The following PCDHGA3 variants were observed in gnomAD, a reference collection of about 807,000 sequenced individuals.
PCDHGA3 encodes protocadherin gamma-A3.
A neutral mutation model predicts 58.5 loss-of-function variants in PCDHGA3; 40 were observed. The observed-to-expected ratio is 0.68, with a 90% CI of 0.53 to 0.89. PCDHGA3 has a LOEUF of 0.89. Ranked by LOEUF, PCDHGA3 falls within the 40% of genes least tolerant of loss-of-function variation. PCDHGA3 has a pLI of 0.00. For missense variants in PCDHGA3, 1,223 were observed against 1,195.9 expected (o/e 1.02, Z -0.33); for synonymous variants, 530 against 525.7 (o/e 1.01, Z -0.11).
rs149806642 is a variant in PCDHGA3 at position 141,502,449 on chromosome 5, A to T, written c.2484-2944A>T. 7.7e-3 allele frequency among the ~76,000 whole-genome samples: 1,166 copies of T among 151,886 alleles called. 15 individuals carry two copies. The highest frequency in any genetic ancestry group is 0.027 in the African/African-American group (1,103 of 41,308). On this transcript the variant is annotated intron_variant, in intron 2 of 3. Coordinates refer to ENST00000253812, the MANE Select transcript of PCDHGA3 (RefSeq NM_018916.4). The stretch of plus-strand genomic sequence containing the variant: ...TCTGATGGTTAGATTCAGATTACAC[A>T]CCTTGGTAGGAATACTTCCCGCAGC...
Position 141,487,649 on chromosome 5 carries a change from G to T in PCDHGA3, c.2425-7158G>T. The T allele has an allele frequency of 1.2e-6, 2 of 1,614,020 alleles. No individual in the cohort carries two copies. The highest frequency in any genetic ancestry group is 1.7e-6 in the Non-Finnish European group (2 of 1,179,968). The stretch of plus-strand genomic sequence containing the variant: ...TTTGCAGGCTCAACAAATGCTTGAG[G>T]GTTATTCTGATCCAGGCATATGGCT... On this transcript the variant is annotated intron_variant, in intron 1 of 3. Coordinates refer to ENST00000253812, the MANE Select transcript of PCDHGA3 (RefSeq NM_018916.4). This position sits in a 1 kb window ranked among gnomAD's most constrained non-coding sequence, Gnocchi z 5.0.
chr5:141,417,947 T>A (rs958624664), intron 1 of PCDHGA3: 53 of 1,613,420 alleles, frequency 3.3e-5, no homozygotes, highest in Middle Eastern at 1.7e-4. Context: ...CCCCACGCTG[T>A]GTGAGCCGAT....
At chr5:141,396,546 G>A (rs2093396215) in intron 1 of PCDHGA3, 1 of 152,118 alleles carries the variant, frequency 6.6e-6, no homozygotes, top group Non-Finnish European at 1.5e-5. Context: ...CTTGAACCCG[G>A]GAGGTGGAGG....
At chr5:141,398,486 A>G (rs892086829) in intron 1 of PCDHGA3, 17 of 1,608,942 alleles carry the variant, frequency 1.1e-5, no homozygotes, top group Non-Finnish European at 1.4e-5. Flanking sequence ...TATCACGTGA[A>G]TGTGGAGATC....
chr5:141,371,086 T>C (rs1767472872), intron 1 of PCDHGA3: 2 of 1,613,836 alleles, frequency 1.2e-6, no homozygotes, highest in Admixed American at 3.3e-5. Context: ...ATCAGGGTAA[T>C]TGTCGCAGAT....
rs368155258 is a variant in PCDHGA3 at position 141,394,236 on chromosome 5, A to T, written c.2424+47779A>T. 3.1e-5 allele frequency: 50 copies of T among 1,613,818 alleles called. No individual in the cohort carries two copies. The highest frequency in any genetic ancestry group is 3.9e-5 in the Non-Finnish European group (46 of 1,179,848). On this transcript the variant is annotated intron_variant, in intron 1 of 3. Transcript: ENST00000253812. ...GAGAGGAGCCTCCATCTTTTCCTTG[A>T]CTGCACACGACCCCGACAGCCAGGA...
At chr5:141,379,868 T>C (rs1775901267) in intron 1 of PCDHGA3, among the ~76,000 whole-genome samples, 1 of 149,208 alleles carries the variant, frequency 6.7e-6, no homozygotes, top group African/African-American at 2.5e-5. Flanking sequence ...CTTATTCTTA[T>C]TTTATGGTCT....
chr5:141,361,600 T>C, intron 1 of PCDHGA3: 1 of 1,614,024 alleles, frequency 6.2e-7, no homozygotes, highest in Non-Finnish European at 8.5e-7. Context: ...CCAAGTTTCC[T>C]ACTCCATCGT....
At chr5:141,496,402 G>T (rs551923899) in intron 2 of PCDHGA3, among the ~76,000 whole-genome samples, 183 of 152,248 alleles carry the variant, frequency 1.2e-3, no homozygotes, top group African/African-American at 4.0e-3. Flanking sequence ...CCTCCTCAAT[G>T]GTTGAGTACT....
rs1032345173 is a variant in PCDHGA3 at position 141,468,852 on chromosome 5, C to T, written c.2425-25955C>T. Among the ~76,000 whole-genome samples the T allele has an allele frequency of 7.2e-5, 11 of 151,868 alleles. No individual in the cohort carries two copies. In the East Asian group the frequency reaches 9.7e-4, roughly 13 times the overall value. On this transcript the variant is annotated intron_variant, in intron 1 of 3. Transcript: ENST00000253812. ...CTGCACTCCAGCCTGGGCAACAGAG[C>T]GAGACTCCATCTCAAAAATAATAAT... is the stretch of plus-strand genomic sequence containing the variant.
At chr5:141,463,103 A>G (rs1235750988) in intron 1 of PCDHGA3, among the ~76,000 whole-genome samples, 1 of 152,206 alleles carries the variant, frequency 6.6e-6, no homozygotes, top group African/African-American at 2.4e-5. Context: ...GTGACCATCA[A>G]GAATTCAGCT....
Position 141,423,257 on chromosome 5 carries a change from G to T in PCDHGA3, c.2425-71550G>T, listed in dbSNP as rs1412429501. ...ATCCCCGAAGTCCTGGCGGACCTCG[G>T]CAGCCTCGAGTCTCTGGCTAACTCT... On this transcript the variant is annotated intron_variant, in intron 1 of 3. Transcript: ENST00000253812. The T allele has an allele frequency of 8.7e-6, 14 of 1,613,946 alleles. No individual in the cohort carries two copies. The highest frequency in any genetic ancestry group is 1.3e-5 in the African/African-American group (1 of 75,060).
At chr5:141,390,382 T>C in intron 1 of PCDHGA3, 2 of 1,443,060 alleles carry the variant, frequency 1.4e-6, no homozygotes, top group South Asian at 1.3e-5. Context: ...AATTTTTAGA[T>C]GTCATGGATC....
At chr5:141,433,308 C>A in intron 1 of PCDHGA3, 2 of 915,352 alleles carry the variant, frequency 2.2e-6, no homozygotes, top group Non-Finnish European at 1.6e-6. Context: ...ATTATCCCAC[C>A]TTTGCCTCCG....
chr5:141,477,901 C>T lies in PCDHGA3; in HGVS notation c.2425-16906C>T, dbSNP rs2099423750. ...GCCACCTAGTGTCACGGGTGGTAGG[C>T]TGGGACGCGGATGCAGGGCACAATG... On this transcript the variant is annotated intron_variant, in intron 1 of 3. Transcript: ENST00000253812. The surrounding 1 kb of genome is among the most constrained non-coding windows in gnomAD (Gnocchi z 4.9). The T allele has an allele frequency of 1.9e-6, 3 of 1,614,188 alleles. No homozygotes were observed. The highest frequency in any genetic ancestry group is 2.5e-6 in the Non-Finnish European group (3 of 1,180,042).
chr5:141,471,042 C>G (rs2099247416), intron 1 of PCDHGA3, among the ~76,000 whole-genome samples: 1 of 139,088 alleles, frequency 7.2e-6, no homozygotes, highest in South Asian at 2.3e-4. Flanking sequence ...CAAGCCCAAG[C>G]CCTCTTTTTT....
intron 1 of PCDHGA3, among the ~76,000 whole-genome samples, chr5:141,406,273 G>C (rs1366399912): frequency 6.6e-6 from 1 of 151,898 alleles, no homozygotes; most frequent in Non-Finnish European, 1.5e-5. Context: ...TCCTGCTTCA[G>C]TTTCCCAAAG....
At chr5:141,376,683 T>TTTTTTTG (rs1483837724) in intron 1 of PCDHGA3, 1 of 803,912 alleles carries the variant, frequency 1.2e-6, no homozygotes, top group African/African-American at 1.9e-5. Context: ...ATCGTTTTTT[T>TTTTTTTG]TTTTTTTTTT....
chr5:141,399,602 T>G, intron 1 of PCDHGA3: 1 of 1,613,956 alleles, frequency 6.2e-7, no homozygotes, highest in South Asian at 1.1e-5. Context: ...GCCAGCGACC[T>G]AGAGCCTCTG....
Sources: gnomAD v4.1 joint callset for allele counts (sites outside exome capture counted in the v4.1 genomes callset) on GRCh38, gnomAD v4.1.1 for gene constraint, Gnocchi (gnomAD v3.1) non-coding constraint, MANE v1.5 for transcripts, NCBI Gene and HGNC (gene_info 2026-07-23, HGNC 2026-07-21) for gene names.